Variants in CARMIL1 observed in about 807,000 individuals in gnomAD.
CARMIL1 encodes F-actin-uncapping protein LRRC16A.
A neutral mutation model predicts 177.1 loss-of-function variants in CARMIL1; 90 were observed. That is an observed-to-expected ratio of 0.51 (90% CI 0.43 to 0.61). The LOEUF is 0.61. CARMIL1 is among the 20% of genes least tolerant of loss of function. The pLI is 0.00. For synonymous variants in CARMIL1, 577 were observed against 606.2 expected (o/e 0.95, Z 0.71); for missense variants, 1,380 against 1,667.0 (o/e 0.83, Z 3.00).
chr6:25,589,575 C>A (rs1011611184), intron 31 of CARMIL1, among the ~76,000 whole-genome samples: 1 of 152,116 alleles, frequency 6.6e-6, no homozygotes, highest in Non-Finnish European at 1.5e-5. Context: ...ACCACCTCCC[C>A]CTCCCAGGCC....
At chr6:25,418,940 A>T (rs895941997) in intron 2 of CARMIL1, among the ~76,000 whole-genome samples, 11 of 152,192 alleles carry the variant, frequency 7.2e-5, no homozygotes, top group African/African-American at 2.4e-4. Flanking sequence ...GGCTTGAGTT[A>T]TCCCCTACCG....
At position 25,610,053 on chromosome 6, in the gene CARMIL1, A is replaced by G. The variant is rs1816375710; in HGVS notation, c.3851A>G (p.Asp1284Gly). The change falls in exon 36 of 37, where the codon GAC (aspartate) becomes GGC (glycine). Residue 1284 changes from aspartate to glycine, a missense_variant. Asp to Gly is a moderately conservative substitution (Grantham distance 94). Coordinates refer to ENST00000329474, the MANE Select transcript of CARMIL1 (RefSeq NM_017640.6). Reference sequence around the variant, plus strand: ...TCACGTGTTTGTGTCTCCTTAGATGACATTCCAGACTCTCCATCTAGCCCG... The same window carrying G: ...TCACGTGTTTGTGTCTCCTTAGATGGCATTCCAGACTCTCCATCTAGCCCG... ...QKPRTASRPD[D>G]IPDSPSSPKV... 9 of 1,613,508 alleles carry G rather than the reference A, an allele frequency of 5.6e-6. No homozygotes were observed. The highest frequency in any genetic ancestry group is 7.6e-6 in the Non-Finnish European group (9 of 1,179,706).
chr6:25,312,461 T>A (rs531057536), intron 2 of CARMIL1, among the ~76,000 whole-genome samples: 2 of 152,246 alleles, frequency 1.3e-5, no homozygotes, highest in East Asian at 3.9e-4. Flanking sequence ...AAACATAAGC[T>A]TGTAAAAAGG....
intron 16 of CARMIL1, among the ~76,000 whole-genome samples, chr6:25,497,725 C>T (rs1164347031): frequency 1.3e-5 from 2 of 152,186 alleles, no homozygotes; most frequent in Non-Finnish European, 2.9e-5. Context: ...GAAAGCAACA[C>T]AATTTCTTTT....
rs1176177512 is a variant in CARMIL1, at chr6:25,465,576, G to A, written c.615-297G>A. The A allele has an allele frequency of 7.5e-5, 24 of 318,080 alleles. No homozygotes were observed. The East Asian group carries it at 1.4e-3, about 18-fold the overall frequency. 19.7% of individuals were successfully genotyped at this position (318,080 alleles called of 1,614,324 possible). On this transcript the variant is annotated intron_variant, in intron 8 of 36. Transcript: ENST00000329474. ...TCTAAAGAAATAAGACTTGTTATTG[G>A]TATGGACTTAGAGGTAGGATTTCTC...
chr6:25,492,842 A>T (rs927100073), intron 15 of CARMIL1, among the ~76,000 whole-genome samples: 3 of 152,210 alleles, frequency 2.0e-5, no homozygotes, highest in Admixed American at 1.3e-4. Context: ...CTTGCAAATC[A>T]ATTACTTTGT....
chr6:25,364,112 T>G (rs963765371), intron 2 of CARMIL1, among the ~76,000 whole-genome samples: 11 of 149,378 alleles, frequency 7.4e-5, no homozygotes, highest in African/African-American at 2.5e-4. Flanking sequence ...TACCCATAAT[T>G]TAAAAAAAAA....
intron 5 of CARMIL1, among the ~76,000 whole-genome samples, chr6:25,437,235 C>T (rs1049636760): frequency 4.6e-5 from 7 of 152,112 alleles, no homozygotes; most frequent in Admixed American, 2.0e-4. Flanking sequence ...TATTAAGCAC[C>T]GCCTTACTTG....
chr6:25,476,446 G>A (rs1801586057), intron 11 of CARMIL1, among the ~76,000 whole-genome samples: 1 of 152,036 alleles, frequency 6.6e-6, no homozygotes, highest in African/African-American at 2.4e-5. Context: ...TGCTGTATTT[G>A]CCAGTGCTCA....
chr6:25,501,716 C>G (rs937278766), intron 17 of CARMIL1, among the ~76,000 whole-genome samples: 1 of 152,092 alleles, frequency 6.6e-6, no homozygotes, highest in Non-Finnish European at 1.5e-5. Context: ...TTGGATGTAA[C>G]TTTCTGGAGG....
intron 2 of CARMIL1, among the ~76,000 whole-genome samples, chr6:25,348,468 T>C (rs1787770164): frequency 6.6e-6 from 1 of 151,744 alleles, no homozygotes; most frequent in East Asian, 2.0e-4. Context: ...TAGAAATAAA[T>C]GTGAGTTATA....
intron 12 of CARMIL1, among the ~76,000 whole-genome samples, chr6:25,487,154 A>G (rs2150985351): frequency 6.6e-6 from 1 of 152,278 alleles, no homozygotes; most frequent in East Asian, 1.9e-4. Flanking sequence ...AGTTTATTAT[A>G]ACTCTCTGAA....
intron 24 of CARMIL1, among the ~76,000 whole-genome samples, chr6:25,534,994 G>A (rs1808147224): frequency 6.6e-6 from 1 of 152,184 alleles, no homozygotes; most frequent in Non-Finnish European, 1.5e-5. Flanking sequence ...CTTACCCGTG[G>A]GTTCAATAGC....
At chr6:25,386,266 T>A (rs1792147707) in intron 2 of CARMIL1, among the ~76,000 whole-genome samples, 1 of 152,112 alleles carries the variant, frequency 6.6e-6, no homozygotes, top group African/African-American at 2.4e-5. Flanking sequence ...GTGGGGTGGG[T>A]GGTGAGGACG....
chr6:25,419,095 C>T (rs560774717), intron 2 of CARMIL1, among the ~76,000 whole-genome samples: 5 of 152,180 alleles, frequency 3.3e-5, no homozygotes, highest in Non-Finnish European at 5.9e-5. Context: ...CGTTCAAGCC[C>T]GGGGTTGTGT....
chr6:25,614,003 T>C (rs1054097644), intron 36 of CARMIL1, among the ~76,000 whole-genome samples: 14 of 152,236 alleles, frequency 9.2e-5, no homozygotes, highest in African/African-American at 3.4e-4. Context: ...TTCTTGAATT[T>C]TCACACTTTA....
intron 4 of CARMIL1, among the ~76,000 whole-genome samples, chr6:25,431,620 G>A (rs567580419): frequency 6.6e-6 from 1 of 151,960 alleles, no homozygotes; most frequent in African/African-American, 2.4e-5. Flanking sequence ...GGGCACTAGC[G>A]AAATGTTAAT....
intron 2 of CARMIL1, among the ~76,000 whole-genome samples, chr6:25,363,954 T>C (rs1248774903): frequency 2.6e-5 from 4 of 152,254 alleles, no homozygotes; most frequent in Middle Eastern, 6.8e-3. Context: ...GTTTCTTTCT[T>C]TTTTTGAGAC....
chr6:25,511,048 C>T (rs1805411219), intron 20 of CARMIL1, among the ~76,000 whole-genome samples: 1 of 152,178 alleles, frequency 6.6e-6, no homozygotes, highest in South Asian at 2.1e-4. Context: ...AGCCTTACTA[C>T]TCCCTAACTT....
Sources: gnomAD v4.1 joint callset for allele counts (sites outside exome capture counted in the v4.1 genomes callset) on GRCh38, gnomAD v4.1.1 for gene constraint, MANE v1.5 for transcripts, NCBI Gene and HGNC (gene_info 2026-07-23, HGNC 2026-07-21) for gene names.